The following CNIH3 variants were observed in gnomAD, a reference collection of about 807,000 sequenced individuals.
The protein encoded by CNIH3 is protein cornichon homolog 3.
A neutral mutation model predicts 24.1 loss-of-function variants in CNIH3; 14 were observed. The ratio of observed to expected loss-of-function variants is 0.58; its 90% CI spans 0.38 to 0.91. The LOEUF is 0.91. Ranked by LOEUF, CNIH3 falls within the 40% of genes least tolerant of loss-of-function variation. The pLI is 0.00. For missense variants in CNIH3, 178 were observed against 196.8 expected, an observed-to-expected ratio of 0.90 and a Z score of 0.57; for synonymous variants, 68 against 73.8, an observed-to-expected ratio of 0.92 and a Z score of 0.40.
intron 1 of CNIH3, among the ~76,000 whole-genome samples, chr1:224,660,418 A>T (rs1685293747): frequency 6.6e-6 from 1 of 152,216 alleles, no homozygotes; most frequent in African/African-American, 2.4e-5. Flanking sequence ...TTGGTTGGGG[A>T]CACAGCCAAA....
chr1:224,437,752 C>T (rs1674723990), intron 1 of CNIH3, among the ~76,000 whole-genome samples: 2 of 152,150 alleles, frequency 1.3e-5, no homozygotes, highest in South Asian at 4.1e-4. Context: ...ATGACAGACA[C>T]ATGTCTATGC....
At chr1:224,670,937 T>G (rs1685833635) in intron 1 of CNIH3, among the ~76,000 whole-genome samples, 1 of 152,190 alleles carries the variant, frequency 6.6e-6, no homozygotes, top group Non-Finnish European at 1.5e-5. Context: ...AATATTTAAA[T>G]TGGTAAAGCA....
chr1:224,649,087 T>G (rs1378085304), intron 1 of CNIH3, among the ~76,000 whole-genome samples: 1 of 152,214 alleles, frequency 6.6e-6, no homozygotes, highest in Non-Finnish European at 1.5e-5. Context: ...CCAAAGATGT[T>G]CATGTCCTAA....
At position 224,446,256 on chromosome 1, in the gene CNIH3, GC is replaced by G. The variant is rs565851517; in HGVS notation, n.203+11397del. On this transcript the variant is annotated intron_variant and non_coding_transcript_variant, in intron 1 of 5. Transcript: ENST00000471578. ...GTCAGTATTGTCTTGGCTATTCTGG[GC>G]CCTTTGCATTTCATATAAAGTATAG... Among the ~76,000 whole-genome samples the G allele has an allele frequency of 1.9e-4, 27 of 145,390 alleles. No individual in the cohort carries two copies. In the East Asian group the frequency reaches 4.8e-3, roughly 26 times the overall value.
At chr1:224,475,693 C>T in intron 1 of CNIH3, among the ~76,000 whole-genome samples, 1 of 152,010 alleles carries the variant, frequency 6.6e-6, no homozygotes, top group East Asian at 1.9e-4. Context: ...CAAATGATTC[C>T]AAAAAATAGA....
intron 1 of CNIH3, among the ~76,000 whole-genome samples, chr1:224,676,806 C>T (rs140201347): frequency 4.6e-5 from 7 of 152,290 alleles, no homozygotes; most frequent in South Asian, 2.1e-4. Context: ...CAGTGGGGCC[C>T]GTGGCTTCTA....
At chr1:224,570,831 A>T in intron 4 of CNIH3, among the ~76,000 whole-genome samples, 1 of 151,964 alleles carries the variant, frequency 6.6e-6, no homozygotes, top group East Asian at 1.9e-4. Context: ...TTAGCCTTTC[A>T]TGTTTAGGCC....
At chr1:224,600,000 T>C (rs1425324113) in intron 3 of CNIH3, among the ~76,000 whole-genome samples, 1 of 152,214 alleles carries the variant, frequency 6.6e-6, no homozygotes, top group East Asian at 1.9e-4. Context: ...TCAAATAAGT[T>C]ACTTTCTCAT....
At chr1:224,517,010 A>G (rs1678416737) in intron 1 of CNIH3, among the ~76,000 whole-genome samples, 1 of 152,038 alleles carries the variant, frequency 6.6e-6, no homozygotes. Context: ...GGAAGATTTC[A>G]CCTGGATCCT....
chr1:224,674,829 A>G (rs1358194249), intron 1 of CNIH3, among the ~76,000 whole-genome samples: 1 of 151,642 alleles, frequency 6.6e-6, no homozygotes, highest in Non-Finnish European at 1.5e-5. Flanking sequence ...CTAGTACTCC[A>G]CTAAGTTCTG....
At chr1:224,569,465 G>A (rs1283042958) in intron 4 of CNIH3, among the ~76,000 whole-genome samples, 1 of 152,124 alleles carries the variant, frequency 6.6e-6, no homozygotes, top group Admixed American at 6.5e-5. Context: ...TTTAAAACAC[G>A]ATCTAGACAA....
intron 4 of CNIH3, among the ~76,000 whole-genome samples, chr1:224,579,269 CTCTG>C (rs1681170646): frequency 6.6e-6 from 1 of 151,916 alleles, no homozygotes; most frequent in East Asian, 1.9e-4. Flanking sequence ...TTATTTTGGC[CTCTG>C]TCTTTCATTG....
chr1:224,516,909 A>G (rs1322803460), intron 1 of CNIH3, among the ~76,000 whole-genome samples: 2 of 151,834 alleles, frequency 1.3e-5, no homozygotes, highest in Non-Finnish European at 2.9e-5. Flanking sequence ...TTTAGGAGCT[A>G]TAGGTATAAA....
At chr1:224,472,312 A>G (rs2102998574) in intron 1 of CNIH3, among the ~76,000 whole-genome samples, 1 of 152,372 alleles carries the variant, frequency 6.6e-6, no homozygotes, top group Non-Finnish European at 1.5e-5. Context: ...AAGTCATTAT[A>G]TAAAAAAGAT....
chr1:224,709,538 G>A (rs1333977149), intron 3 of CNIH3, among the ~76,000 whole-genome samples: 1 of 152,160 alleles, frequency 6.6e-6, no homozygotes, highest in Non-Finnish European at 1.5e-5. Context: ...GAAGAGGGGT[G>A]GGCTGGCTTC....
chr1:224,630,406 G>GA (rs1340980603), intron 1 of CNIH3, among the ~76,000 whole-genome samples: 1 of 152,020 alleles, frequency 6.6e-6, no homozygotes, highest in Non-Finnish European at 1.5e-5. Flanking sequence ...CAATTTGGGG[G>GA]ATGATTTATT....
chr1:224,602,296 ATGTT>A (rs57035863), intron 3 of CNIH3, among the ~76,000 whole-genome samples: 65,338 of 151,666 alleles, frequency 0.43, 14,810 homozygotes, highest in East Asian at 0.59. Flanking sequence ...TGAATATTTC[ATGTT>A]TGTTTGAAAA....
At chr1:224,470,078 G>A (rs1676307541) in intron 1 of CNIH3, among the ~76,000 whole-genome samples, 1 of 151,196 alleles carries the variant, frequency 6.6e-6, no homozygotes, top group Non-Finnish European at 1.5e-5. Context: ...GAGTTCAGTG[G>A]CGCGATCTCG....
intron 1 of CNIH3, among the ~76,000 whole-genome samples, chr1:224,653,224 A>G (rs563884056): frequency 6.6e-6 from 1 of 152,132 alleles, no homozygotes; most frequent in East Asian, 1.9e-4. Context: ...GGAGTTTGAG[A>G]CCAGCCTGAC....
Sources: gnomAD v4.1 joint callset for allele counts (sites outside exome capture counted in the v4.1 genomes callset) on GRCh38, gnomAD v4.1.1 for gene constraint, MANE v1.5 for transcripts, NCBI Gene and HGNC (gene_info 2026-07-23, HGNC 2026-07-21) for gene names.